SEMA5B: variants seen among roughly 807,000 people sequenced by gnomAD.
The protein encoded by SEMA5B is semaphorin-5B.
A neutral mutation model predicts 135.0 loss-of-function variants in SEMA5B; 66 were observed. That is an observed-to-expected ratio of 0.49 (90% CI 0.40 to 0.60). The LOEUF (loss-of-function observed/expected upper bound fraction) is 0.60, where lower values mean the gene tolerates loss of function less well. Among genes scored for constraint, SEMA5B ranks in the 20% least tolerant of loss-of-function variants. SEMA5B has a pLI of 0.00. For synonymous variants in SEMA5B, 690 were observed against 639.5 expected (o/e 1.08, Z -1.19); for missense variants, 1,501 against 1,566.3 (o/e 0.96, Z 0.70).
chr3:122,941,615 T>G (rs1046373701), intron 4 of SEMA5B, among the ~76,000 whole-genome samples: 1 of 152,246 alleles, frequency 6.6e-6, no homozygotes, highest in African/African-American at 2.4e-5. Context: ...TTACTACATA[T>G]ATGACATATA....
chr3:122,926,576 C>T lies in SEMA5B; in HGVS notation c.952G>A (p.Val318Met), dbSNP rs201475189. 2.5e-6 allele frequency: 4 copies of T among 1,614,234 alleles called. No individual in the cohort carries two copies. The highest frequency in any genetic ancestry group is 1.3e-5 in the African/African-American group (1 of 75,072). ...ACGTCATTCTTGCACACGCGGGCCA[C>T]GCGAGAGTACACGGTGCGTCCACAG... ...HDCGRTVYSR[V>M]ARVCKNDVGG... Residue 318 changes from valine (V) to methionine (M), a missense_variant, in exon 9 of 23, where the codon GTG becomes ATG. By Grantham distance (21) the Val-to-Met change is conservative (BLOSUM62 1). Transcript: ENST00000357599.
rs1332152588 is a variant in SEMA5B, at chr3:122,993,661, G to T, written c.-38-32360C>A. On this transcript the variant is annotated intron_variant, in intron 1 of 22. Coordinates refer to ENST00000357599, the MANE Select transcript of SEMA5B (RefSeq NM_001031702.4). ...TTCATGCAATCCCTCTCTCCTCCTG[G>T]GTTTGGAGACAGGGGGATGGGCGGT... Among the ~76,000 whole-genome samples, 3 of 152,138 alleles carry T rather than the reference G, an allele frequency of 2.0e-5. No individual in the cohort carries two copies. In the East Asian group the frequency reaches 5.8e-4, roughly 29 times the overall value.
At position 122,961,120 on chromosome 3, in the gene SEMA5B, A is replaced by G. The variant is rs775083274; in HGVS notation, c.124+20T>C. On this transcript the variant is annotated intron_variant, in intron 2 of 22. Coordinates refer to ENST00000357599, the MANE Select transcript of SEMA5B (RefSeq NM_001031702.4). ...TCTGGTACCTGCTGCAGCCCCCCAC[A>G]CTCCCCTGGGCACACTTACCCCTGA... is the stretch of plus-strand genomic sequence containing the variant. 33 of 1,585,248 alleles carry G rather than the reference A, an allele frequency of 2.1e-5. No individual in the cohort carries two copies. In the African/African-American group the frequency reaches 4.0e-4, roughly 19 times the overall value.
intron 1 of SEMA5B, among the ~76,000 whole-genome samples, chr3:122,997,028 G>A (rs956479065): frequency 2.0e-5 from 3 of 152,088 alleles, no homozygotes; most frequent in Admixed American, 1.3e-4. Flanking sequence ...GCCCCGAAAA[G>A]GCTCTCTCCT....
At chr3:122,981,360 G>A (rs972333792) in intron 1 of SEMA5B, among the ~76,000 whole-genome samples, 1 of 152,240 alleles carries the variant, frequency 6.6e-6, no homozygotes, top group Non-Finnish European at 1.5e-5. Context: ...TCCGTCCCAG[G>A]GCTGCTCCAT....
chr3:123,002,385 T>C (rs1942201341), intron 1 of SEMA5B, among the ~76,000 whole-genome samples: 1 of 152,258 alleles, frequency 6.6e-6, no homozygotes, highest in Non-Finnish European at 1.5e-5. Flanking sequence ...CCAAATGCTT[T>C]TGTGTGGATA....
At chr3:123,027,980 G>T (rs992944354), upstream of SEMA5B, among the ~76,000 whole-genome samples, 1 of 152,186 alleles carries the variant, frequency 6.6e-6, no homozygotes, top group Non-Finnish European at 1.5e-5. Flanking sequence ...CGGGCCTGCC[G>T]AGTGTGGTGA....
chr3:122,910,973 A>G lies in SEMA5B; in HGVS notation c.3164T>C (p.Val1055Ala). 6.2e-7 allele frequency: 1 copy of G among 1,614,024 alleles called. No homozygotes were observed. Residue 1055 changes from valine (V) to alanine (A), a missense_variant, in exon 22 of 23, where the codon GTG becomes GCG. Physicochemically the swap from Val to Ala is moderately conservative, Grantham distance 64. Transcript: ENST00000357599. ...CTGGCAGTGCTGGCAAGACAGGTAC[A>G]CTGCTAGGGTCAGGAGCCCAGAGCC... ...FLGSGLLTLA[V>A]YLSCQHCQRQ...
chr3:123,023,324 A>G (rs528651094), intron 1 of SEMA5B, among the ~76,000 whole-genome samples: 303 of 112,570 alleles, frequency 2.7e-3, no homozygotes, highest in Non-Finnish European at 4.2e-3. Flanking sequence ...TATTTCCAGC[A>G]CACACACACA....
At chr3:122,980,500 T>G (rs1941489013) in intron 1 of SEMA5B, among the ~76,000 whole-genome samples, 1 of 151,188 alleles carries the variant, frequency 6.6e-6, no homozygotes, top group African/African-American at 2.4e-5. Flanking sequence ...CGCTCCCTGT[T>G]TCAGGGATGC....
chr3:123,027,998 G>A (rs531291623), upstream of SEMA5B, among the ~76,000 whole-genome samples: 2 of 152,256 alleles, frequency 1.3e-5, no homozygotes, highest in African/African-American at 4.8e-5. Flanking sequence ...TGACCAGCCC[G>A]GTGGGCCGAA....
chr3:122,954,683 G>A (rs1940202311), intron 2 of SEMA5B, among the ~76,000 whole-genome samples: 1 of 152,152 alleles, frequency 6.6e-6, no homozygotes, highest in Admixed American at 6.5e-5. Context: ...GTAGCCATCT[G>A]CAGCTGGTAA....
intron 1 of SEMA5B, among the ~76,000 whole-genome samples, chr3:122,982,649 C>A (rs1560407152): frequency 6.6e-6 from 1 of 152,176 alleles, no homozygotes; most frequent in South Asian, 2.1e-4. Flanking sequence ...TCTTCCCTTT[C>A]TAGTCCCTGC....
intron 1 of SEMA5B, among the ~76,000 whole-genome samples, chr3:123,017,135 G>T (rs1265261858): frequency 1.3e-5 from 2 of 151,842 alleles, no homozygotes; most frequent in African/African-American, 2.4e-5. Flanking sequence ...TGATCTGCCC[G>T]CCTCAGCCTC....
At chr3:122,987,712 T>C (rs1395147802) in intron 1 of SEMA5B, among the ~76,000 whole-genome samples, 1 of 152,182 alleles carries the variant, frequency 6.6e-6, no homozygotes, top group Admixed American at 6.5e-5. Context: ...CACACATACC[T>C]CTGCAGCCTC....
intron 1 of SEMA5B, among the ~76,000 whole-genome samples, chr3:122,978,142 C>A (rs12496408): frequency 0.099 from 15,096 of 152,294 alleles, 799 homozygotes; most frequent in Middle Eastern, 0.17. Flanking sequence ...AGGCAGAGGG[C>A]AACTCCACCA....
In SEMA5B at chr3:122,913,416, C is replaced by T. The variant is rs1316480983; in HGVS notation, c.2289G>A (p.Lys763=). 6.4e-7 allele frequency: 1 copy of T among 1,569,954 alleles called. No homozygotes were observed. The highest frequency in any genetic ancestry group is 1.3e-5 in the African/African-American group (1 of 74,350). The part of the protein sequence containing the change: ...NSCLGCGVEF[K]TCNPEGCPEV... ...CGGGGCAGCCCTCGGGGTTGCACGT[C>T]TTGAACTCCTGCGGGTGGCGGCAGA... is the stretch of plus-strand genomic sequence containing the variant. The change falls in exon 17 of 23, where the codon AAG becomes AAA. Residue 763 remains lysine (K), a synonymous_variant. Transcript: ENST00000357599.
intron 1 of SEMA5B, among the ~76,000 whole-genome samples, chr3:122,963,073 C>T (rs1338078562): frequency 6.6e-6 from 1 of 152,180 alleles, no homozygotes; most frequent in African/African-American, 2.4e-5. Flanking sequence ...GAAGCTGCAT[C>T]CCTCCTACAT....
At position 122,949,051 on chromosome 3, in the gene SEMA5B, A is replaced by T. The variant is rs574927266; in HGVS notation, c.125-342T>A. 2.2e-4 allele frequency among the ~76,000 whole-genome samples: 34 copies of T among 152,326 alleles called. 1 individual carries two copies. The South Asian group carries it at 7.1e-3, about 32-fold the overall frequency. ...TGGGTAGCTATTTGTAAAATGATAA[A>T]TCTGGATCCATAACTCATACTTTAT... On this transcript the variant is annotated intron_variant, in intron 2 of 22. Transcript: ENST00000357599.
Sources: allele counts gnomAD v4.1 joint callset (sites outside exome capture counted in the v4.1 genomes callset), GRCh38; gene constraint gnomAD v4.1.1; transcripts MANE v1.5; gene names NCBI Gene and HGNC (gene_info 2026-07-23, HGNC 2026-07-21).